CELF2: variants seen among roughly 807,000 people sequenced by gnomAD.
CELF2 encodes CUGBP Elav-like family member 2.
A neutral mutation model predicts 62.6 loss-of-function variants in CELF2; 8 were observed. That is an observed-to-expected ratio of 0.13 (90% CI 0.07 to 0.23). The LOEUF is 0.23. Ranked by LOEUF, CELF2 falls within the 10% of genes least tolerant of loss-of-function variation. CELF2 has a pLI of 1.00. For synonymous variants in CELF2, 258 were observed against 250.0 expected, an observed-to-expected ratio of 1.03 and a Z score of -0.30; for missense variants, 333 against 671.0, an observed-to-expected ratio of 0.50 and a Z score of 5.56.
intron 1 of CELF2, among the ~76,000 whole-genome samples, chr10:11,124,604 G>A (rs186490786): frequency 5.9e-5 from 9 of 152,314 alleles, no homozygotes; most frequent in African/African-American, 2.2e-4. Flanking sequence ...GGGAAGTTCA[G>A]TAAGGCATTA....
chr10:11,283,256 A>G (rs928249821), intron 8 of CELF2, among the ~76,000 whole-genome samples: 2 of 152,216 alleles, frequency 1.3e-5, no homozygotes, highest in African/African-American at 4.8e-5. Flanking sequence ...GGAGGATTTC[A>G]TTCTGAATCT....
chr10:10,527,134 C>T, the CELF2 span, among the ~76,000 whole-genome samples: 1 of 152,194 alleles, frequency 6.6e-6, no homozygotes, highest in Admixed American at 6.5e-5. Context: ...GGCCGTGGAG[C>T]TGACCTGCTC....
At position 11,260,843 on chromosome 10, in the gene CELF2, A is replaced by T. The variant is rs2080316257; in HGVS notation, c.538+2971A>T. On this transcript the variant is annotated intron_variant, in intron 5 of 12. Transcript: ENST00000633077. The surrounding 1 kb of genome is among the most constrained non-coding windows in gnomAD (Gnocchi z 4.2). ...TCCTGGCTACAGGGGCCTGCTCCTG[A>T]ATCAGTGTATTTGTTAAAAGCACAA... is the stretch of plus-strand genomic sequence containing the variant. 6.6e-6 allele frequency among the ~76,000 whole-genome samples: 1 copy of T among 152,164 alleles called. No individual in the cohort carries two copies. The highest frequency in any genetic ancestry group is 2.4e-5 in the African/African-American group (1 of 41,440).
At chr10:11,265,665 G>T (rs778305746) in intron 5 of CELF2, among the ~76,000 whole-genome samples, 1 of 152,252 alleles carries the variant, frequency 6.6e-6, no homozygotes, top group Non-Finnish European at 1.5e-5. Context: ...AATGAGCCAT[G>T]TAGTTGGAGC....
At chr10:10,595,801 T>G in the CELF2 span, among the ~76,000 whole-genome samples, 1 of 152,082 alleles carries the variant, frequency 6.6e-6, no homozygotes, top group South Asian at 2.1e-4. Context: ...GAGGCTGAGG[T>G]AGGCAAATTG....
At chr10:10,849,913 C>A (rs946029891) in intron 1 of CELF2, among the ~76,000 whole-genome samples, 9 of 151,674 alleles carry the variant, frequency 5.9e-5, no homozygotes, top group Non-Finnish European at 1.3e-4. Context: ...GAGGCCGAGG[C>A]AGGCAGATCA....
the CELF2 span, among the ~76,000 whole-genome samples, chr10:10,506,269 C>CGTGTGTGTGTGTGTGTGTGTGTGTGT: frequency 6.8e-6 from 1 of 146,714 alleles, no homozygotes; most frequent in African/African-American, 2.5e-5. Flanking sequence ...AGATGCACTT[C>CGTGTGTGTGTGTGTGTGTGTGTGTGT]GTGTGTGTGT....
chr10:11,322,900 T>C (rs867188015), intron 11 of CELF2, among the ~76,000 whole-genome samples: 9 of 152,048 alleles, frequency 5.9e-5, no homozygotes, highest in Admixed American at 3.9e-4. Flanking sequence ...CTCTGTGGTC[T>C]GAGTACCATG....
chr10:10,767,480 A>G, the CELF2 span, among the ~76,000 whole-genome samples: 1 of 152,128 alleles, frequency 6.6e-6, no homozygotes, highest in African/African-American at 2.4e-5. Context: ...ATAATAAATA[A>G]AATATATATG....
At chr10:11,089,230 C>T (rs1378934012) in intron 1 of CELF2, among the ~76,000 whole-genome samples, 1 of 152,156 alleles carries the variant, frequency 6.6e-6, no homozygotes, top group African/African-American at 2.4e-5. Flanking sequence ...ATTTCCGGAG[C>T]CATCTTTGAA....
At position 11,247,899 on chromosome 10, in the gene CELF2, G is replaced by A. The variant is rs540425372; in HGVS notation, c.355-1254G>A. 6.6e-6 allele frequency among the ~76,000 whole-genome samples: 1 copy of A among 152,180 alleles called. No homozygotes were observed. Among genetic ancestry groups the A allele is most frequent in the Non-Finnish European group, 1.5e-5 (1 of 68,042 alleles). ...TGCTTTTGAAGAGGCAGCTCACTTA[G>A]CCTCTTTCTTCTCCCTCCTCCTCTG... On this transcript the variant is annotated intron_variant, in intron 3 of 12. Transcript: ENST00000633077. This position sits in a 1 kb window ranked among gnomAD's most constrained non-coding sequence, Gnocchi z 5.4.
In CELF2 at chr10:11,246,187, C is replaced by T. The variant is rs929795379; in HGVS notation, c.355-2966C>T. Among the ~76,000 whole-genome samples, 2 of 152,016 alleles carry T rather than the reference C, an allele frequency of 1.3e-5. No homozygotes were observed. The highest frequency in any genetic ancestry group is 2.4e-5 in the African/African-American group (1 of 41,370). ...TTTGTCCCTGTTTTTTATGTGGATG[C>T]GTATCGACCGCCATGATAGACTGCA... On this transcript the variant is annotated intron_variant, in intron 3 of 12. Transcript: ENST00000633077. This position sits in a 1 kb window ranked among gnomAD's most constrained non-coding sequence, Gnocchi z 4.6.
chr10:10,612,614 A>T, the CELF2 span, among the ~76,000 whole-genome samples: 1 of 152,192 alleles, frequency 6.6e-6, no homozygotes, highest in Non-Finnish European at 1.5e-5. Context: ...CATGACAGTA[A>T]GCCTCTCAAT....
intron 2 of CELF2, among the ~76,000 whole-genome samples, chr10:11,168,724 G>T (rs370745260): frequency 1.3e-5 from 2 of 152,106 alleles, no homozygotes; most frequent in South Asian, 4.1e-4. Flanking sequence ...TAATCCTGGT[G>T]AATTAGATTT....
intron 1 of CELF2, among the ~76,000 whole-genome samples, chr10:11,119,872 C>CG (rs11384133): frequency 0.18 from 25,798 of 146,560 alleles, 2,778 homozygotes; most frequent in Non-Finnish European, 0.23. Flanking sequence ...CCTCCCCCCC[C>CG]CCGGCCCCCG....
At chr10:10,553,839 G>T in the CELF2 span, among the ~76,000 whole-genome samples, 552 of 152,304 alleles carry the variant, frequency 3.6e-3, 6 homozygotes, top group African/African-American at 0.011. Context: ...GCTTGGGGAA[G>T]CTCAATGGTC....
intron 2 of CELF2, among the ~76,000 whole-genome samples, chr10:11,180,658 A>G (rs1192574442): frequency 1.3e-5 from 2 of 152,200 alleles, no homozygotes; most frequent in African/African-American, 2.4e-5. Flanking sequence ...ATTGACAATA[A>G]GAATAATAAC....
At chr10:10,599,915 T>C in the CELF2 span, among the ~76,000 whole-genome samples, 11 of 152,014 alleles carry the variant, frequency 7.2e-5, no homozygotes. Flanking sequence ...ATGTTTTTAG[T>C]AGAGATGGGG....
In CELF2 at chr10:11,011,307, A is replaced by C. The variant is rs2056424929; in HGVS notation, c.53+5867A>C. On this transcript the variant is annotated intron_variant, in intron 1 of 12. Transcript: ENST00000416382. This position sits in a 1 kb window ranked among gnomAD's most constrained non-coding sequence, Gnocchi z 4.6. Reference sequence around the variant, plus strand: ...TCTGGGGCCTCAAGCAACTCACAGCACTCATGGAACAAAGAGTAGACAGTG... The same window carrying C: ...TCTGGGGCCTCAAGCAACTCACAGCCCTCATGGAACAAAGAGTAGACAGTG... Among the ~76,000 whole-genome samples, 1 of 151,936 alleles carries C rather than the reference A, an allele frequency of 6.6e-6. No homozygotes were observed. Among genetic ancestry groups the C allele is most frequent in the South Asian group, 2.1e-4 (1 of 4,804 alleles).
Sources: allele counts gnomAD v4.1 joint callset (sites outside exome capture counted in the v4.1 genomes callset), GRCh38; gene constraint gnomAD v4.1.1; non-coding constraint Gnocchi (gnomAD v3.1); transcripts MANE v1.5; gene names NCBI Gene and HGNC (gene_info 2026-07-23, HGNC 2026-07-21).